Variants in ANKRD28 observed in about 807,000 individuals in gnomAD.
The protein encoded by ANKRD28 is ankyrin repeat domain 28.
Under a neutral mutation model 126.5 loss-of-function variants are expected in ANKRD28, and 44 were observed. The ratio of observed to expected loss-of-function variants is 0.35; its 90% CI spans 0.27 to 0.45. ANKRD28 has a LOEUF of 0.45. Ranked by LOEUF, ANKRD28 falls within the 20% of genes least tolerant of loss-of-function variation. The pLI, the probability that ANKRD28 is intolerant of heterozygous loss-of-function variation, is 1.00. For missense variants in ANKRD28, 1,110 were observed against 1,316.6 expected, an observed-to-expected ratio of 0.84 and a Z score of 2.43; for synonymous variants, 442 against 468.5, an observed-to-expected ratio of 0.94 and a Z score of 0.73.
chr3:15,777,239 A>T (rs2059318392), intron 2 of ANKRD28, among the ~76,000 whole-genome samples: 1 of 148,158 alleles, frequency 6.7e-6, no homozygotes. Context: ...GCGCCACTGT[A>T]CCAGCCTAGG....
intron 2 of ANKRD28, among the ~76,000 whole-genome samples, chr3:15,792,395 A>G (rs1366356858): frequency 6.6e-6 from 1 of 152,176 alleles, no homozygotes; most frequent in African/African-American, 2.4e-5. Context: ...CCATAAAAAA[A>G]CAGACCCAGT....
chr3:15,779,125 C>A (rs1239186957), intron 2 of ANKRD28, among the ~76,000 whole-genome samples: 1 of 152,134 alleles, frequency 6.6e-6, no homozygotes, highest in Non-Finnish European at 1.5e-5. Context: ...TCATACAATA[C>A]CCTATCATGC....
intron 2 of ANKRD28, among the ~76,000 whole-genome samples, chr3:15,777,400 T>C (rs1006700211): frequency 5.9e-5 from 9 of 152,062 alleles, no homozygotes; most frequent in African/African-American, 1.9e-4. Flanking sequence ...GGAATAAAAG[T>C]AGAAATTTTA....
chr3:15,782,661 T>G (rs944823488), intron 2 of ANKRD28, among the ~76,000 whole-genome samples: 1 of 152,086 alleles, frequency 6.6e-6, no homozygotes, highest in Non-Finnish European at 1.5e-5. Context: ...GGGACTTTCA[T>G]AGTTGTCTGT....
At chr3:15,852,558 G>C (rs1401521266) in intron 1 of ANKRD28, among the ~76,000 whole-genome samples, 3 of 152,130 alleles carry the variant, frequency 2.0e-5, no homozygotes, top group Non-Finnish European at 4.4e-5. Context: ...CTTACGCCGG[G>C]CATGGTGGCT....
intron 4 of ANKRD28, among the ~76,000 whole-genome samples, chr3:15,744,416 C>T (rs531278349): frequency 1.3e-4 from 20 of 151,760 alleles, no homozygotes; most frequent in South Asian, 8.3e-4. Context: ...CAGGTTCAAG[C>T]GATCCTCCTC....
intron 1 of ANKRD28, among the ~76,000 whole-genome samples, chr3:15,795,967 T>C (rs2060256887): frequency 6.6e-6 from 1 of 152,142 alleles, no homozygotes; most frequent in Non-Finnish European, 1.5e-5. Flanking sequence ...AGGTTAAAGA[T>C]GAAGACTGAA....
chr3:15,705,626 A>G (rs185920788), intron 14 of ANKRD28, among the ~76,000 whole-genome samples: 2 of 152,382 alleles, frequency 1.3e-5, no homozygotes, highest in Admixed American at 1.3e-4. Flanking sequence ...AGTCTTTATC[A>G]CAGATTTTAT....
At chr3:15,710,046 T>TC (rs2072022295) in intron 12 of ANKRD28, among the ~76,000 whole-genome samples, 1 of 151,386 alleles carries the variant, frequency 6.6e-6, no homozygotes, top group African/African-American at 2.4e-5. Context: ...GTTTTTTTTT[T>TC]TTTCTTGAAA....
At chr3:15,753,615 G>C (rs2057992769) in intron 3 of ANKRD28, among the ~76,000 whole-genome samples, 1 of 152,144 alleles carries the variant, frequency 6.6e-6, no homozygotes, top group Admixed American at 6.5e-5. Flanking sequence ...GGTCTCATGA[G>C]GGATGCTGAG....
chr3:15,760,841 A>G (rs1301821414), intron 3 of ANKRD28, among the ~76,000 whole-genome samples: 1 of 152,238 alleles, frequency 6.6e-6, no homozygotes, highest in Non-Finnish European at 1.5e-5. Context: ...TTAAAAACAT[A>G]AGTCAGAGCA....
chr3:15,782,138 A>C (rs1411154717), intron 2 of ANKRD28, among the ~76,000 whole-genome samples: 1 of 152,104 alleles, frequency 6.6e-6, no homozygotes, highest in Non-Finnish European at 1.5e-5. Context: ...ATATACCTAC[A>C]TACCCACAAA....
intron 10 of ANKRD28, among the ~76,000 whole-genome samples, chr3:15,712,955 C>A (rs2072516552): frequency 6.6e-6 from 1 of 152,086 alleles, no homozygotes; most frequent in Non-Finnish European, 1.5e-5. Context: ...AAATGTGATA[C>A]AAAGAATGAT....
At chr3:15,823,304 G>A (rs975685108) in intron 1 of ANKRD28, among the ~76,000 whole-genome samples, 2 of 152,182 alleles carry the variant, frequency 1.3e-5, no homozygotes, top group Non-Finnish European at 2.9e-5. Context: ...TCCCTTGAAG[G>A]CCGCTCACCT....
rs1006107185 is a variant in ANKRD28, at chr3:15,838,303, A to C, written c.27+21074T>G. On this transcript the variant is annotated intron_variant, in intron 1 of 27. Coordinates refer to the ANKRD28 transcript ENST00000399451. The surrounding 1 kb of genome is among the most constrained non-coding windows in gnomAD (Gnocchi z 4.0). ...ACCTTAATACCAAAGCCAGACAAAG[A>C]TATCACACGAATAGAGATTTTTTTT... Among the ~76,000 whole-genome samples the C allele has an allele frequency of 6.6e-5, 10 of 152,236 alleles. No individual in the cohort carries two copies. The highest frequency in any genetic ancestry group is 2.4e-4 in the African/African-American group (10 of 41,460).
In ANKRD28 at chr3:15,796,387, T is replaced by C. The variant is rs144131850; in HGVS notation, c.117+18A>G. ...AGTTCAGTAGAATATAGTAAACATATAAACTTACATATCTTACCAATACAT... is the reference window on the plus strand; with the variant it reads ...AGTTCAGTAGAATATAGTAAACATACAAACTTACATATCTTACCAATACAT... On this transcript the variant is annotated intron_variant, in intron 1 of 27. Transcript: ENST00000683139. The C allele has an allele frequency of 2.3e-5, 29 of 1,271,716 alleles. No individual in the cohort carries two copies. The highest frequency in any genetic ancestry group is 3.0e-5 in the Non-Finnish European group (29 of 975,234). 78.8% of individuals were successfully genotyped at this position (1,271,716 alleles called of 1,614,324 possible). A position where few individuals can be genotyped will look rare whatever the true frequency, so the allele number is the denominator to read the frequency against.
At chr3:15,695,332 A>G (rs2069376641) in intron 15 of ANKRD28, 118 bp from the exon 16 acceptor site, 1 of 703,394 alleles carries the variant, frequency 1.4e-6, no homozygotes, top group Non-Finnish European at 2.4e-6. Context: ...TTTGGCTCCA[A>G]AAAATTAGGT....
In ANKRD28 at chr3:15,669,003, A is replaced by T. The variant is rs1050115461; in HGVS notation, c.*1267T>A. On this transcript the variant is annotated 3_prime_UTR_variant, in exon 28 of 28. Transcript: ENST00000683139. Reference sequence around the variant, plus strand: ...CACAAATCTTTATTTAAAAGCCGAAATATCAGCCTTCTCTCTCTCTTTTGC... The same window carrying T: ...CACAAATCTTTATTTAAAAGCCGAATTATCAGCCTTCTCTCTCTCTTTTGC... 1 of 152,606 alleles carries T rather than the reference A, an allele frequency of 6.6e-6. No homozygotes were observed. Among genetic ancestry groups the T allele is most frequent in the African/African-American group, 2.4e-5 (1 of 41,452 alleles). 9.5% of individuals were successfully genotyped at this position (152,606 alleles called of 1,614,324 possible).
chr3:15,750,459 A>G (rs2057787117), intron 4 of ANKRD28, among the ~76,000 whole-genome samples: 1 of 152,220 alleles, frequency 6.6e-6, no homozygotes, highest in South Asian at 2.1e-4. Context: ...TAATAATTGA[A>G]GCCAGTGTCT....
Sources: gnomAD v4.1 joint callset for allele counts (sites outside exome capture counted in the v4.1 genomes callset) on GRCh38, gnomAD v4.1.1 for gene constraint, Gnocchi (gnomAD v3.1) non-coding constraint, MANE v1.5 for transcripts, NCBI Gene and HGNC (gene_info 2026-07-23, HGNC 2026-07-21) for gene names.